The following HPSE2 variants were observed in gnomAD, a reference collection of about 807,000 sequenced individuals.
HPSE2 encodes heparanase 2 (inactive).
HPSE2 carries 38 observed loss-of-function variants against 60.5 expected under a neutral mutation model. The ratio of observed to expected loss-of-function variants is 0.63; its 90% CI spans 0.48 to 0.82. HPSE2 has a LOEUF of 0.82. Ranked by LOEUF, HPSE2 falls within the 40% of genes least tolerant of loss-of-function variation. The pLI is 0.00. For synonymous variants in HPSE2, 295 were observed against 293.2 expected (o/e 1.01, Z -0.06); for missense variants, 713 against 740.4 (o/e 0.96, Z 0.43).
chr10:98,499,928 G>A (rs1941974851), intron 9 of HPSE2, among the ~76,000 whole-genome samples: 1 of 152,164 alleles, frequency 6.6e-6, no homozygotes, highest in Non-Finnish European at 1.5e-5. Flanking sequence ...GACAAAGAGG[G>A]ACATTATATA....
chr10:98,575,618 C>A (rs1255154208), intron 9 of HPSE2, among the ~76,000 whole-genome samples: 3 of 152,148 alleles, frequency 2.0e-5, no homozygotes, highest in Admixed American at 1.3e-4. Context: ...GCTATCATGA[C>A]CTTCATTTTA....
intron 3 of HPSE2, among the ~76,000 whole-genome samples, chr10:98,985,094 C>G (rs1417425155): frequency 6.6e-6 from 1 of 152,122 alleles, no homozygotes; most frequent in Non-Finnish European, 1.5e-5. Context: ...AGAATTTCCC[C>G]AATCTAGCAA....
intron 3 of HPSE2, among the ~76,000 whole-genome samples, chr10:98,892,905 G>C (rs1320706717): frequency 6.6e-6 from 1 of 152,036 alleles, no homozygotes; most frequent in Non-Finnish European, 1.5e-5. Context: ...CTCTGTCCTG[G>C]AGCAGGGAAC....
intron 3 of HPSE2, among the ~76,000 whole-genome samples, chr10:98,890,899 C>A (rs1243652344): frequency 1.3e-5 from 2 of 152,182 alleles, no homozygotes; most frequent in Non-Finnish European, 2.9e-5. Flanking sequence ...CTCCAAATAT[C>A]AATTGAACTC....
chr10:99,070,996 C>A (rs1842771127), intron 3 of HPSE2, among the ~76,000 whole-genome samples: 1 of 151,904 alleles, frequency 6.6e-6, no homozygotes, highest in South Asian at 2.1e-4. Flanking sequence ...TCTTCAATAT[C>A]CTGTTCTCAA....
At chr10:98,916,598 A>C (rs1954125658) in intron 3 of HPSE2, among the ~76,000 whole-genome samples, 1 of 152,348 alleles carries the variant, frequency 6.6e-6, no homozygotes, top group African/African-American at 2.4e-5. Context: ...AAAAGTTACC[A>C]TATTCATGTA....
At chr10:98,708,752 A>G (rs1186966329) in intron 5 of HPSE2, among the ~76,000 whole-genome samples, 1 of 152,224 alleles carries the variant, frequency 6.6e-6, no homozygotes, top group Non-Finnish European at 1.5e-5. Context: ...TCCAAATTCT[A>G]GCAAGATGAC....
intron 5 of HPSE2, among the ~76,000 whole-genome samples, chr10:98,700,530 C>G (rs1589666387): frequency 1.4e-5 from 2 of 141,854 alleles, no homozygotes; most frequent in African/African-American, 5.0e-5. Flanking sequence ...AGACCTAAAA[C>G]CATAAAAACC....
rs1450952446 is a variant in HPSE2 at position 98,538,927 on chromosome 10, G to A, written c.1321-48731C>T. ...GACACTGATGGGGCCATAGCCAATG[G>A]ATTCATGTGTATTGTCAAGTACTTT... On this transcript the variant is annotated intron_variant, in intron 9 of 11. Transcript: ENST00000370552. Among the ~76,000 whole-genome samples the A allele has an allele frequency of 2.6e-5, 4 of 152,182 alleles. No individual in the cohort carries two copies. The East Asian group carries it at 7.8e-4, about 30-fold the overall frequency.
chr10:99,306,588 G>A, the HPSE2 span, among the ~76,000 whole-genome samples: 2 of 152,210 alleles, frequency 1.3e-5, no homozygotes, highest in Non-Finnish European at 2.9e-5. Flanking sequence ...TGAATGAAAT[G>A]TTGGGTGGAG....
intron 9 of HPSE2, among the ~76,000 whole-genome samples, chr10:98,545,595 A>C (rs1173337641): frequency 6.6e-6 from 1 of 152,206 alleles, no homozygotes; most frequent in Admixed American, 6.5e-5. Context: ...CCTTTGACAA[A>C]ATTCAACAAC....
rs1355555930 is a variant in HPSE2 at position 98,737,231 on chromosome 10, A to G, written c.784+6652T>C. ...TGTTTGGCTTTCACCTGTTATATAC[A>G]CATAAAAATACAGGACCAAAATATA... On this transcript the variant is annotated intron_variant, in intron 4 of 11. Transcript: ENST00000370552. Among the ~76,000 whole-genome samples the G allele has an allele frequency of 6.5e-5, 6 of 92,930 alleles. 1 individual carries two copies. The highest frequency in any genetic ancestry group is 1.5e-4 in the Admixed American group (1 of 6,762). The allele number at this position is 92,930 out of a possible 152,430, so 61.0% of individuals were successfully genotyped here. A position where few individuals can be genotyped will look rare whatever the true frequency, so the allele number is the denominator to read the frequency against.
intron 9 of HPSE2, among the ~76,000 whole-genome samples, chr10:98,580,669 C>T (rs1365236365): frequency 6.6e-6 from 1 of 151,846 alleles, no homozygotes; most frequent in East Asian, 1.9e-4. Context: ...ATTGGATCAA[C>T]AGACACTTTC....
At chr10:99,246,745 CA>C in the HPSE2 span, among the ~76,000 whole-genome samples, 89,009 of 149,322 alleles carry the variant, frequency 0.6, 28,383 homozygotes, top group East Asian at 0.78. Flanking sequence ...GACTCCATCT[CA>C]AAAAAAAAAA....
intron 3 of HPSE2, among the ~76,000 whole-genome samples, chr10:98,771,262 C>A (rs569517868): frequency 1.3e-5 from 2 of 152,232 alleles, no homozygotes; most frequent in East Asian, 3.9e-4. Context: ...AATACTCAAT[C>A]AATTAAGCTG....
chr10:98,952,458 T>A (rs970528700), intron 3 of HPSE2, among the ~76,000 whole-genome samples: 1 of 151,980 alleles, frequency 6.6e-6, no homozygotes, highest in Non-Finnish European at 1.5e-5. Flanking sequence ...GTAAATCCTT[T>A]CTTCCCCAAG....
At chr10:99,292,128 G>C in the HPSE2 span, among the ~76,000 whole-genome samples, 1 of 152,132 alleles carries the variant, frequency 6.6e-6, no homozygotes, top group East Asian at 1.9e-4. Context: ...GTTTGAAAAT[G>C]TCCAAAAAGT....
intron 3 of HPSE2, among the ~76,000 whole-genome samples, chr10:99,129,020 G>T (rs1041308399): frequency 6.6e-6 from 1 of 151,996 alleles, no homozygotes; most frequent in Non-Finnish European, 1.5e-5. Flanking sequence ...GGAAAAAACA[G>T]ACTTAAAAGC....
intron 3 of HPSE2, among the ~76,000 whole-genome samples, chr10:98,993,755 T>A (rs1956580363): frequency 6.6e-6 from 1 of 152,106 alleles, no homozygotes; most frequent in Non-Finnish European, 1.5e-5. Context: ...TCACTTCCAA[T>A]CTGTATAAAT....
Sources: gnomAD v4.1 joint callset for allele counts (sites outside exome capture counted in the v4.1 genomes callset) on GRCh38, gnomAD v4.1.1 for gene constraint, MANE v1.5 for transcripts, NCBI Gene and HGNC (gene_info 2026-07-23, HGNC 2026-07-21) for gene names.